Variants in PRKG1 observed in about 807,000 individuals in gnomAD.
The protein encoded by PRKG1 is protein kinase cGMP-dependent 1.
In PRKG1, 35 loss-of-function variants were observed where a neutral mutation model predicts 88.1. That is an observed-to-expected ratio of 0.40 (90% CI 0.30 to 0.53). PRKG1 has a LOEUF of 0.53. Ranked by LOEUF, PRKG1 falls within the 20% of genes least tolerant of loss-of-function variation. The pLI is 0.59. For synonymous variants in PRKG1, 303 were observed against 292.5 expected (o/e 1.04, Z -0.37); for missense variants, 540 against 839.8 (o/e 0.64, Z 4.41).
At chr10:51,946,662 T>A (rs998650727) in intron 5 of PRKG1, among the ~76,000 whole-genome samples, 5 of 152,118 alleles carry the variant, frequency 3.3e-5, no homozygotes, top group African/African-American at 1.2e-4. Flanking sequence ...TTCTGTTTGT[T>A]AGTTTTCCTC....
intron 2 of PRKG1, among the ~76,000 whole-genome samples, chr10:51,259,054 T>G (rs1839636693): frequency 6.6e-6 from 1 of 152,240 alleles, no homozygotes; most frequent in African/African-American, 2.4e-5. Context: ...TGGTGCCCCC[T>G]GCCAAGTGCT....
intron 1 of PRKG1, among the ~76,000 whole-genome samples, chr10:51,113,728 T>TA (rs59764267): frequency 0.25 from 23,200 of 92,176 alleles, 2,588 homozygotes; most frequent in African/African-American, 0.37. Flanking sequence ...GCATTCTATT[T>TA]AAAAAAAAAA....
chr10:51,918,602 G>A (rs1842396209), intron 5 of PRKG1, among the ~76,000 whole-genome samples: 1 of 152,178 alleles, frequency 6.6e-6, no homozygotes, highest in Non-Finnish European at 1.5e-5. Context: ...TGCTCTGTAA[G>A]AATACACAAA....
intron 3 of PRKG1, among the ~76,000 whole-genome samples, chr10:51,597,751 T>C (rs1272024269): frequency 6.6e-6 from 1 of 152,108 alleles, no homozygotes; most frequent in Admixed American, 6.6e-5. Flanking sequence ...AGTGTGAGAA[T>C]TGTACTGGAA....
chr10:51,164,088 G>A (rs137872177), intron 2 of PRKG1, among the ~76,000 whole-genome samples: 2,157 of 152,302 alleles, frequency 0.014, 25 homozygotes, highest in Middle Eastern at 0.044. Context: ...CGGGCAGACT[G>A]CCTCCTGAAG....
chr10:51,690,939 A>T (rs2132390783), intron 3 of PRKG1, among the ~76,000 whole-genome samples: 1 of 150,424 alleles, frequency 6.6e-6, no homozygotes, highest in African/African-American at 2.4e-5. Flanking sequence ...AAAAAAAAAA[A>T]AAAAAAAAAA....
intron 3 of PRKG1, among the ~76,000 whole-genome samples, chr10:51,512,178 T>TC: frequency 6.7e-6 from 1 of 149,814 alleles, no homozygotes; most frequent in East Asian, 1.9e-4. Flanking sequence ...CTAATTAATT[T>TC]TTTTTTTTTT....
At chr10:51,410,264 A>ATG (rs1838045914) in intron 2 of PRKG1, among the ~76,000 whole-genome samples, 3 of 142,134 alleles carry the variant, frequency 2.1e-5, no homozygotes, top group African/African-American at 8.2e-5. Context: ...GTGTGTATAT[A>ATG]TATATATGTG....
At chr10:52,085,250 T>C (rs1846881974) in intron 7 of PRKG1, among the ~76,000 whole-genome samples, 1 of 151,774 alleles carries the variant, frequency 6.6e-6, no homozygotes, top group Non-Finnish European at 1.5e-5. Context: ...ATCAAATTAT[T>C]CTCCCTCCCT....
rs746050157 is a variant in PRKG1, at chr10:51,291,498, A to C, written c.478+138168A>C. Among the ~76,000 whole-genome samples the C allele has an allele frequency of 3.7e-4, 56 of 152,136 alleles. 2 individuals carry two copies. The highest frequency in any genetic ancestry group is 2.4e-4 in the Non-Finnish European group (16 of 68,026). ...AGAGACAGTGTCTCTCTTCAGCATC[A>C]AACCAAAGTTCTGGTCTGAGTCTCC... On this transcript the variant is annotated intron_variant, in intron 2 of 17. Coordinates refer to ENST00000373980, the MANE Select transcript of PRKG1 (RefSeq NM_006258.4).
chr10:51,542,552 G>A (rs1341774515), intron 3 of PRKG1, among the ~76,000 whole-genome samples: 1 of 152,150 alleles, frequency 6.6e-6, no homozygotes, highest in Non-Finnish European at 1.5e-5. Flanking sequence ...ATAATAATAA[G>A]GAAATGAAAT....
At chr10:51,680,225 A>G (rs926380060) in intron 3 of PRKG1, among the ~76,000 whole-genome samples, 1 of 152,240 alleles carries the variant, frequency 6.6e-6, no homozygotes, top group East Asian at 1.9e-4. Context: ...AAGAATACTT[A>G]ATGTATACAT....
chr10:51,839,336 G>A (rs1237033012), intron 4 of PRKG1, among the ~76,000 whole-genome samples: 1 of 152,090 alleles, frequency 6.6e-6, no homozygotes, highest in Non-Finnish European at 1.5e-5. Context: ...GGAACATTTA[G>A]CGTAGAAGCC....
chr10:51,417,492 G>GA (rs1838274033), intron 2 of PRKG1, among the ~76,000 whole-genome samples: 1 of 152,174 alleles, frequency 6.6e-6, no homozygotes, highest in South Asian at 2.1e-4. Flanking sequence ...ATGTACAAGA[G>GA]AAAATTAGTT....
intron 2 of PRKG1, among the ~76,000 whole-genome samples, chr10:51,416,664 C>T (rs748015726): frequency 1.3e-5 from 2 of 152,154 alleles, no homozygotes; most frequent in Non-Finnish European, 2.9e-5. Flanking sequence ...TGCAAGCCCA[C>T]AGGAACCTGT....
chr10:51,072,164 C>T (rs1298654586), upstream of PRKG1, among the ~76,000 whole-genome samples: 1 of 152,126 alleles, frequency 6.6e-6, no homozygotes, highest in Non-Finnish European at 1.5e-5. Flanking sequence ...CACTGCACTT[C>T]AGCCTGGGTG....
At chr10:51,104,566 C>T (rs1013691104) in intron 1 of PRKG1, among the ~76,000 whole-genome samples, 3 of 152,274 alleles carry the variant, frequency 2.0e-5, no homozygotes, top group African/African-American at 7.2e-5. Flanking sequence ...GTAGCCCAGG[C>T]TGGAGTGCAG....
intron 4 of PRKG1, among the ~76,000 whole-genome samples, chr10:51,842,975 C>G (rs1027219629): frequency 1.5e-4 from 23 of 151,252 alleles, no homozygotes; most frequent in African/African-American, 5.1e-4. Flanking sequence ...TTGTTTAAAG[C>G]TTTGGCACAT....
chr10:51,160,331 T>G (rs1846327361), intron 2 of PRKG1, among the ~76,000 whole-genome samples: 2 of 152,340 alleles, frequency 1.3e-5, no homozygotes, highest in East Asian at 3.9e-4. Flanking sequence ...TTTCTGCTAT[T>G]GATGGTATCC....
Sources: allele counts gnomAD v4.1 joint callset (sites outside exome capture counted in the v4.1 genomes callset), GRCh38; gene constraint gnomAD v4.1.1; transcripts MANE v1.5; gene names NCBI Gene and HGNC (gene_info 2026-07-23, HGNC 2026-07-21).